The following DSCAM variants were observed in gnomAD, a reference collection of about 807,000 sequenced individuals.
DSCAM encodes DS cell adhesion molecule.
A neutral mutation model predicts 217.7 loss-of-function variants in DSCAM; 47 were observed. The ratio of observed to expected loss-of-function variants is 0.22; its 90% CI spans 0.17 to 0.28. The LOEUF (loss-of-function observed/expected upper bound fraction) is 0.28. Ranked by LOEUF, DSCAM falls within the 10% of genes least tolerant of loss-of-function variation. The probability of loss-of-function intolerance (pLI) is 1.00; values close to 1 mark genes in which losing one functional copy is unlikely to be tolerated. For missense variants in DSCAM, 2,080 were observed against 2,618.3 expected (o/e 0.79, Z 4.49); for synonymous variants, 1,056 against 1,015.3 (o/e 1.04, Z -0.76).
chr21:40,236,027 T>C (rs1196386412), intron 11 of DSCAM, among the ~76,000 whole-genome samples: 1 of 152,148 alleles, frequency 6.6e-6, no homozygotes, highest in Non-Finnish European at 1.5e-5. Flanking sequence ...GTGGAAACAC[T>C]GTGGGTTGGA....
intron 3 of DSCAM, among the ~76,000 whole-genome samples, chr21:40,466,836 G>A (rs550016331): frequency 3.9e-5 from 6 of 152,202 alleles, no homozygotes; most frequent in South Asian, 4.2e-4. Context: ...GGCTTCTCCC[G>A]GACAAATACA....
At chr21:40,287,307 C>G (rs1389611913) in intron 10 of DSCAM, among the ~76,000 whole-genome samples, 1 of 152,246 alleles carries the variant, frequency 6.6e-6, no homozygotes, top group Non-Finnish European at 1.5e-5. Flanking sequence ...CCAGAGAGGT[C>G]TGAAACTGGT....
At chr21:40,304,172 T>C (rs1018453414) in intron 9 of DSCAM, among the ~76,000 whole-genome samples, 20 of 152,346 alleles carry the variant, frequency 1.3e-4, no homozygotes, top group Admixed American at 1.2e-3. Context: ...TTTTGTTTTC[T>C]TATATTTTCT....
At chr21:40,255,817 C>T (rs989105102) in intron 11 of DSCAM, among the ~76,000 whole-genome samples, 6 of 152,152 alleles carry the variant, frequency 3.9e-5, no homozygotes, top group South Asian at 2.1e-4. Flanking sequence ...AGGGAAGCAG[C>T]GATGTCTGTC....
At chr21:40,635,713 T>C (rs368020559) in intron 3 of DSCAM, among the ~76,000 whole-genome samples, 1 of 152,246 alleles carries the variant, frequency 6.6e-6, no homozygotes, top group African/African-American at 2.4e-5. Flanking sequence ...TGAATTAAAA[T>C]GTGGTGTGTA....
At chr21:40,307,349 C>T (rs1023979566) in intron 9 of DSCAM, among the ~76,000 whole-genome samples, 1 of 152,102 alleles carries the variant, frequency 6.6e-6, no homozygotes, top group Non-Finnish European at 1.5e-5. Context: ...CCGTCACTGG[C>T]CATCAGAGAA....
intron 15 of DSCAM, among the ~76,000 whole-genome samples, chr21:40,172,459 G>A (rs1034103477): frequency 1.3e-5 from 2 of 152,192 alleles, no homozygotes; most frequent in Non-Finnish European, 2.9e-5. Context: ...ATTGCCAAAC[G>A]CATGGATCTC....
chr21:40,017,507 C>A (rs1190709399), intron 32 of DSCAM, among the ~76,000 whole-genome samples: 1 of 152,038 alleles, frequency 6.6e-6, no homozygotes, highest in Non-Finnish European at 1.5e-5. Context: ...TTCCTACTGT[C>A]AACTGGATCC....
chr21:40,712,578 T>C lies in DSCAM; in HGVS notation c.44-3807A>G, dbSNP rs576692591. On this transcript the variant is annotated intron_variant, in intron 1 of 32. Coordinates refer to ENST00000400454, the MANE Select transcript of DSCAM (RefSeq NM_001389.5). ...TTCAATGGGCTCATAGCCCTAAGCCTAATGCCTAGCAAGCTGTGTGTGTTT... is the reference window on the plus strand; with the variant it reads ...TTCAATGGGCTCATAGCCCTAAGCCCAATGCCTAGCAAGCTGTGTGTGTTT... Among the ~76,000 whole-genome samples the C allele has an allele frequency of 4.6e-5, 7 of 151,836 alleles. No individual in the cohort carries two copies. In the South Asian group the frequency reaches 1.5e-3, roughly 32 times the overall value.
At chr21:40,043,972 G>A in intron 31 of DSCAM, 106 bp downstream of exon 31, 1 of 1,150,864 alleles carries the variant, frequency 8.7e-7, no homozygotes, top group Non-Finnish European at 1.3e-6. Context: ...AAGAACATAA[G>A]TAAGAGGGAG....
intron 11 of DSCAM, among the ~76,000 whole-genome samples, chr21:40,272,080 T>A (rs2073625263): frequency 6.6e-6 from 1 of 152,072 alleles, no homozygotes; most frequent in Non-Finnish European, 1.5e-5. Flanking sequence ...GAGCTATTTT[T>A]TTTTTTTTTA....
intron 1 of DSCAM, among the ~76,000 whole-genome samples, chr21:40,808,915 G>C (rs926679335): frequency 3.3e-5 from 5 of 152,134 alleles, no homozygotes; most frequent in African/African-American, 4.8e-5. Context: ...AACCCTCCTG[G>C]ACCATCAGCT....
At chr21:40,525,589 A>G (rs1183930533) in intron 3 of DSCAM, among the ~76,000 whole-genome samples, 1 of 152,232 alleles carries the variant, frequency 6.6e-6, no homozygotes, top group African/African-American at 2.4e-5. Context: ...AAAACTAGTA[A>G]CTTTTCAGAG....
chr21:40,563,648 A>G (rs2076739990), intron 3 of DSCAM, among the ~76,000 whole-genome samples: 1 of 137,532 alleles, frequency 7.3e-6, no homozygotes, highest in Non-Finnish European at 1.5e-5. Context: ...ATATATAGTT[A>G]TATGTTTATG....
rs73905454 is a variant in DSCAM, at chr21:40,403,280, T to C, written c.509-34035A>G. On this transcript the variant is annotated intron_variant, in intron 3 of 32. Coordinates refer to ENST00000400454, the MANE Select transcript of DSCAM (RefSeq NM_001389.5). ...ACATTTTAAAAGAACAATTTTTTAATGTCCAGGTGATTAGTAAATCTTTTT... is the reference window on the plus strand; with the variant it reads ...ACATTTTAAAAGAACAATTTTTTAACGTCCAGGTGATTAGTAAATCTTTTT... Among the ~76,000 whole-genome samples, 1,180 of 152,100 alleles carry C rather than the reference T, an allele frequency of 7.8e-3. 16 individuals carry two copies. The highest frequency in any genetic ancestry group is 0.026 in the African/African-American group (1,097 of 41,506).
chr21:40,115,777 A>G (rs1052953159), intron 20 of DSCAM, among the ~76,000 whole-genome samples: 6 of 152,222 alleles, frequency 3.9e-5, no homozygotes, highest in Non-Finnish European at 8.8e-5. Context: ...CAGAAATACC[A>G]TTTGACCTGG....
chr21:40,246,291 T>G (rs759564966), intron 11 of DSCAM, among the ~76,000 whole-genome samples: 1 of 126,196 alleles, frequency 7.9e-6, no homozygotes, highest in Non-Finnish European at 1.6e-5. Context: ...CCAAGGCAGG[T>G]GAATCAAATG....
intron 11 of DSCAM, 148 bp from the exon 12 acceptor site, chr21:40,189,386 A>G (rs2090930971): frequency 2.6e-6 from 2 of 767,094 alleles, no homozygotes; most frequent in Non-Finnish European, 4.0e-6. Flanking sequence ...CTCGAGCAAA[A>G]TAAAGGAAAG....
chr21:40,577,731 G>A (rs970470686), intron 3 of DSCAM, among the ~76,000 whole-genome samples: 14 of 152,172 alleles, frequency 9.2e-5, no homozygotes, highest in Non-Finnish European at 1.5e-4. Flanking sequence ...TTTTACAGAA[G>A]TTAAGTAGGC....
Sources: allele counts gnomAD v4.1 joint callset (sites outside exome capture counted in the v4.1 genomes callset), GRCh38; gene constraint gnomAD v4.1.1; transcripts MANE v1.5; gene names NCBI Gene and HGNC (gene_info 2026-07-23, HGNC 2026-07-21).